The following PCDHGA1 variants were observed in gnomAD, a reference collection of about 807,000 sequenced individuals.
The protein encoded by PCDHGA1 is protocadherin gamma-A1.
In PCDHGA1, 32 loss-of-function variants were observed where a neutral mutation model predicts 58.0. That is an observed-to-expected ratio of 0.55 (90% confidence interval 0.42 to 0.74). The LOEUF (loss-of-function observed/expected upper bound fraction) is 0.74. Among genes scored for constraint, PCDHGA1 ranks in the 30% least tolerant of loss-of-function variants. The probability of loss-of-function intolerance (pLI) is 0.00; values close to 1 mark genes in which losing one functional copy is unlikely to be tolerated. For missense variants in PCDHGA1, 1,205 were observed against 1,182.3 expected (o/e 1.02, Z -0.28); for synonymous variants, 498 against 501.1 (o/e 0.99, Z 0.08).
At position 141,410,559 on chromosome 5, in the gene PCDHGA1, G is replaced by A. The variant is rs1239897819; in HGVS notation, c.2421+77454G>A. 9.9e-6 allele frequency: 16 copies of A among 1,612,722 alleles called. No individual in the cohort carries two copies. Among genetic ancestry groups the A allele is most frequent in the African/African-American group, 5.3e-5 (4 of 74,894 alleles). On this transcript the variant is annotated intron_variant, in intron 1 of 3. Transcript: ENST00000517417. ...GACATGGTTTGCAGTGTTTCTCCTG[G>A]AGCCTTAATTCCACCTCATGGTGGG...
intron 1 of PCDHGA1, chr5:141,410,195 G>T (rs769655902): frequency 1.2e-6 from 2 of 1,613,966 alleles, no homozygotes; most frequent in East Asian, 4.5e-5. Context: ...TCTGGTCTTC[G>T]CAGACAACTT....
chr5:141,374,433 A>T, intron 1 of PCDHGA1: 1 of 1,613,990 alleles, frequency 6.2e-7, no homozygotes. Flanking sequence ...CTGAATCTTT[A>T]TCCCGTGGAA....
At chr5:141,411,562 C>A (rs569842846) in intron 1 of PCDHGA1, 1 of 152,054 alleles carries the variant, frequency 6.6e-6, no homozygotes, top group Non-Finnish European at 1.5e-5. Context: ...CCAGCCTGGG[C>A]GACAGAGTGC....
At chr5:141,382,943 T>G in intron 1 of PCDHGA1, 2 of 1,596,184 alleles carry the variant, frequency 1.3e-6, no homozygotes, top group African/African-American at 1.3e-5. Flanking sequence ...GGATTCTTCC[T>G]GCTCTCCATC....
chr5:141,471,618 A>C (rs1421854064), intron 1 of PCDHGA1: 1 of 152,218 alleles, frequency 6.6e-6, no homozygotes, highest in Non-Finnish European at 1.5e-5. Context: ...TGGGAGTAGT[A>C]AGCATTGGTA....
At chr5:141,470,323 A>G (rs1029928511) in intron 1 of PCDHGA1, among the ~76,000 whole-genome samples, 1 of 152,188 alleles carries the variant, frequency 6.6e-6, no homozygotes, top group Non-Finnish European at 1.5e-5. Context: ...AAATGATCCC[A>G]TAATTTGACC....
intron 2 of PCDHGA1, among the ~76,000 whole-genome samples, chr5:141,497,721 G>A (rs2099778948): frequency 6.6e-6 from 1 of 152,006 alleles, no homozygotes; most frequent in African/African-American, 2.4e-5. Flanking sequence ...TGTATTTTTA[G>A]TAGAGATGGG....
intron 1 of PCDHGA1, among the ~76,000 whole-genome samples, chr5:141,429,387 T>TAA (rs11410533): frequency 2.6e-5 from 4 of 151,334 alleles, no homozygotes; most frequent in African/African-American, 4.9e-5. Flanking sequence ...GTTTTTTTTT[T>TAA]AAAAAAAATT....
intron 1 of PCDHGA1, among the ~76,000 whole-genome samples, chr5:141,442,702 T>A (rs1301940560): frequency 1.3e-5 from 2 of 152,342 alleles, no homozygotes; most frequent in African/African-American, 4.8e-5. Context: ...GACAAGAGTA[T>A]CAGACATGCC....
intron 2 of PCDHGA1, among the ~76,000 whole-genome samples, chr5:141,501,771 G>A (rs957546749): frequency 7.2e-5 from 11 of 152,118 alleles, no homozygotes; most frequent in African/African-American, 2.7e-4. Context: ...GGTTAAAAAA[G>A]AGGTCTCTCT....
At chr5:141,364,781 C>A in intron 1 of PCDHGA1, 1 of 1,613,988 alleles carries the variant, frequency 6.2e-7, no homozygotes, top group Non-Finnish European at 8.5e-7. Context: ...TGCAGGGACA[C>A]GGTTAGTGCT....
At chr5:141,350,342 T>TC (rs1378635895) in intron 1 of PCDHGA1, 3 of 1,550,478 alleles carry the variant, frequency 1.9e-6, no homozygotes, top group Admixed American at 3.9e-5. Flanking sequence ...CGGGGCCATC[T>TC]CCCAGCAGAT....
chr5:141,477,351 G>A lies in PCDHGA1; in HGVS notation c.2422-17456G>A. 6.2e-7 allele frequency: 1 copy of A among 1,614,126 alleles called. No homozygotes were observed. The highest frequency in any genetic ancestry group is 8.5e-7 in the Non-Finnish European group (1 of 1,180,018). On this transcript the variant is annotated intron_variant, in intron 1 of 3. Transcript: ENST00000517417. This position sits in a 1 kb window ranked among gnomAD's most constrained non-coding sequence, Gnocchi z 4.9. ...AAGAATTACTTCACTTTGAAAACCA[G>A]TGCAGACCTGGATCGGGAGACTGTG...
At chr5:141,369,170 A>G (rs374004034) in intron 1 of PCDHGA1, among the ~76,000 whole-genome samples, 1 of 152,236 alleles carries the variant, frequency 6.6e-6, no homozygotes, top group Non-Finnish European at 1.5e-5. Flanking sequence ...AAAAGTGTAA[A>G]TAACAAAAAG....
At chr5:141,413,202 G>T (rs768256888) in intron 1 of PCDHGA1, 19 of 1,612,062 alleles carry the variant, frequency 1.2e-5, no homozygotes, top group Non-Finnish European at 1.6e-5. Flanking sequence ...ATCGCTCAAA[G>T]GAATCAAAGG....
rs766779419 is a variant in PCDHGA1, at chr5:141,389,386, C to G, written c.2421+56281C>G. On this transcript the variant is annotated intron_variant, in intron 1 of 3. Transcript: ENST00000517417. ...GACCTGGAGCAGCGGGAGCTGTCAT[C>G]CTACGTGTCCATAAGCGCGGAGAGC... The G allele has an allele frequency of 1.1e-5, 17 of 1,613,620 alleles. No homozygotes were observed. The highest frequency in any genetic ancestry group is 6.7e-5 in the African/African-American group (5 of 74,960).
chr5:141,466,037 G>T (rs1204301031), intron 1 of PCDHGA1, among the ~76,000 whole-genome samples: 1 of 152,056 alleles, frequency 6.6e-6, no homozygotes, highest in African/African-American at 2.4e-5. Flanking sequence ...CAGGAGAACG[G>T]CATGAACCCA....
intron 1 of PCDHGA1, among the ~76,000 whole-genome samples, chr5:141,425,691 T>C (rs1411905655): frequency 6.6e-6 from 1 of 152,238 alleles, no homozygotes. Context: ...TGCATATCAT[T>C]TCATAGTGGT....
chr5:141,428,624 C>CT, intron 1 of PCDHGA1: 1 of 193,988 alleles, frequency 5.2e-6, no homozygotes, highest in South Asian at 1.1e-4. Context: ...AAGATAAGCT[C>CT]TAACTCTGTT....
Sources: allele counts gnomAD v4.1 joint callset (sites outside exome capture counted in the v4.1 genomes callset), GRCh38; gene constraint gnomAD v4.1.1; non-coding constraint Gnocchi (gnomAD v3.1); transcripts MANE v1.5; gene names NCBI Gene and HGNC (gene_info 2026-07-23, HGNC 2026-07-21).